UBAC2: variants seen among roughly 807,000 people sequenced by gnomAD.
The protein encoded by UBAC2 is UBA domain containing 2.
Under a neutral mutation model 44.0 loss-of-function variants are expected in UBAC2, and 26 were observed. The ratio of observed to expected loss-of-function variants is 0.59; its 90% CI spans 0.43 to 0.82. The LOEUF (loss-of-function observed/expected upper bound fraction) is 0.82. Among genes scored for constraint, UBAC2 ranks in the 40% least tolerant of loss-of-function variants. The pLI, the probability that UBAC2 is intolerant of heterozygous loss-of-function variation, is 0.00. For synonymous variants in UBAC2, 155 were observed against 154.3 expected (o/e 1.00, Z -0.04); for missense variants, 329 against 419.4 (o/e 0.78, Z 1.88).
At chr13:99,365,879 C>A (rs983237390) in intron 7 of UBAC2, among the ~76,000 whole-genome samples, 6 of 151,944 alleles carry the variant, frequency 3.9e-5, no homozygotes, top group Non-Finnish European at 8.8e-5. Flanking sequence ...TCTTGTAATT[C>A]TATTAATTTT....
intron 8 of UBAC2, among the ~76,000 whole-genome samples, chr13:99,368,686 A>T (rs369562259): frequency 1.2e-5 from 1 of 82,504 alleles, no homozygotes; most frequent in Non-Finnish European, 2.7e-5. Flanking sequence ...AACTCATGAG[A>T]GAGTGTGTGT....
intron 6 of UBAC2, among the ~76,000 whole-genome samples, chr13:99,329,945 C>T (rs1375134272): frequency 6.6e-6 from 1 of 152,200 alleles, no homozygotes; most frequent in Admixed American, 6.5e-5. Context: ...GCTACTACAA[C>T]AATCTTAACA....
intron 4 of UBAC2, among the ~76,000 whole-genome samples, chr13:99,290,968 T>C (rs983114172): frequency 1.3e-5 from 2 of 151,994 alleles, no homozygotes; most frequent in Non-Finnish European, 2.9e-5. Flanking sequence ...CTGGAGGACA[T>C]AGGACAGGGA....
intron 4 of UBAC2, among the ~76,000 whole-genome samples, chr13:99,252,449 T>C (rs796175632): frequency 3.9e-5 from 6 of 152,348 alleles, no homozygotes; most frequent in African/African-American, 1.4e-4. Context: ...ACCACAGACC[T>C]GTTCATTTCT....
At chr13:99,232,085 G>A (rs774575965) in intron 1 of UBAC2, among the ~76,000 whole-genome samples, 84 of 152,096 alleles carry the variant, frequency 5.5e-4, no homozygotes, top group Non-Finnish European at 1.0e-3. Context: ...GTTAATGTGT[G>A]TTACTTGTTT....
intron 7 of UBAC2, among the ~76,000 whole-genome samples, chr13:99,344,820 G>T (rs1295605995): frequency 2.0e-5 from 3 of 152,212 alleles, no homozygotes; most frequent in Non-Finnish European, 4.4e-5. Flanking sequence ...TGCTTGGGAA[G>T]CTCTCTGACC....
At chr13:99,236,101 C>G (rs543779190) in intron 1 of UBAC2, among the ~76,000 whole-genome samples, 1 of 152,306 alleles carries the variant, frequency 6.6e-6, no homozygotes, top group South Asian at 2.1e-4. Flanking sequence ...TATGAAACTA[C>G]TAGCAGAAAA....
intron 4 of UBAC2, among the ~76,000 whole-genome samples, chr13:99,270,856 G>T (rs1473475820): frequency 6.6e-6 from 1 of 152,222 alleles, no homozygotes; most frequent in Non-Finnish European, 1.5e-5. Flanking sequence ...GAAGAGAATA[G>T]CTTGACACTT....
intron 8 of UBAC2, among the ~76,000 whole-genome samples, chr13:99,373,437 CAT>C (rs2045436163): frequency 6.6e-6 from 1 of 152,184 alleles, no homozygotes. Context: ...CTCTTCGATT[CAT>C]GTCTTTCTTT....
chr13:99,363,847 C>G (rs1463252607), intron 7 of UBAC2, among the ~76,000 whole-genome samples: 1 of 152,212 alleles, frequency 6.6e-6, no homozygotes, highest in African/African-American at 2.4e-5. Context: ...TACATGTTAC[C>G]AGGCTCAATT....
At chr13:99,336,625 C>T (rs908631634) in intron 6 of UBAC2, among the ~76,000 whole-genome samples, 5 of 152,082 alleles carry the variant, frequency 3.3e-5, no homozygotes, top group Non-Finnish European at 5.9e-5. Context: ...TATTTCTAGG[C>T]TCTTGTTCTC....
intron 7 of UBAC2, among the ~76,000 whole-genome samples, chr13:99,342,690 T>C (rs993422227): frequency 6.6e-6 from 1 of 152,140 alleles, no homozygotes; most frequent in Non-Finnish European, 1.5e-5. Context: ...ATGCCCGTGG[T>C]GGGCACGACC....
intron 7 of UBAC2, among the ~76,000 whole-genome samples, chr13:99,358,660 A>G (rs2045222626): frequency 6.6e-6 from 1 of 152,140 alleles, no homozygotes; most frequent in Non-Finnish European, 1.5e-5. Context: ...GTATCTTAGG[A>G]ACTAACTCTG....
In UBAC2 at chr13:99,317,322, T is replaced by C. The variant is rs981015568; in HGVS notation, c.514-700T>C. On this transcript the variant is annotated intron_variant, in intron 5 of 8. Transcript: ENST00000403766. ...AACAATAACCCACAAATCATTTCTT[T>C]GTTGCAGGAACACTTTCAGAGTCCT... Among the ~76,000 whole-genome samples the C allele has an allele frequency of 2.6e-5, 4 of 152,330 alleles. No homozygotes were observed. In the East Asian group the frequency reaches 7.7e-4, roughly 29 times the overall value.
chr13:99,338,878 T>C (rs991157443), intron 6 of UBAC2, among the ~76,000 whole-genome samples: 3 of 152,212 alleles, frequency 2.0e-5, no homozygotes, highest in East Asian at 3.8e-4. Flanking sequence ...ATAACTAAAC[T>C]CTATTTCCCT....
At position 99,307,062 on chromosome 13, in the gene UBAC2, T is replaced by A. The variant is rs925875718; in HGVS notation, c.390-7035T>A. The stretch of plus-strand genomic sequence containing the variant: ...TAGTTTTGCTTGATACTGTCTTTTG[T>A]CATTGTGAGTTTATACAGTAGTACA... On this transcript the variant is annotated intron_variant, in intron 4 of 8. Coordinates refer to ENST00000403766, the MANE Select transcript of UBAC2 (RefSeq NM_001144072.2). Among the ~76,000 whole-genome samples the A allele has an allele frequency of 4.8e-4, 73 of 152,324 alleles. 1 individual carries two copies. The highest frequency in any genetic ancestry group is 1.6e-3 in the African/African-American group (67 of 41,570).
chr13:99,384,020 C>T (rs1345891927), intron 8 of UBAC2, among the ~76,000 whole-genome samples: 2 of 152,226 alleles, frequency 1.3e-5, no homozygotes, highest in African/African-American at 4.8e-5. Context: ...GAACAGCAGG[C>T]TTTCTGGAGC....
intron 4 of UBAC2, among the ~76,000 whole-genome samples, chr13:99,246,988 T>C (rs2043391588): frequency 6.6e-6 from 1 of 152,178 alleles, no homozygotes; most frequent in Non-Finnish European, 1.5e-5. Context: ...TAAATATATC[T>C]CTTAAAAACA....
Position 99,295,714 on chromosome 13 carries a change from C to G in UBAC2, c.390-18383C>G, listed in dbSNP as rs1339182200. The G allele has an allele frequency of 3.1e-6, 5 of 1,614,042 alleles. No individual in the cohort carries two copies. On this transcript the variant is annotated intron_variant, in intron 4 of 8. Transcript: ENST00000403766. This position sits in a 1 kb window ranked among gnomAD's most constrained non-coding sequence, Gnocchi z 4.1. ...TGCACACGCCTTTTGCATGTTCAAT[C>G]CTTTTTATCTTGTTGTAGCGTAGAG...
Sources: gnomAD v4.1 joint callset for allele counts (sites outside exome capture counted in the v4.1 genomes callset) on GRCh38, gnomAD v4.1.1 for gene constraint, Gnocchi (gnomAD v3.1) non-coding constraint, MANE v1.5 for transcripts, NCBI Gene and HGNC (gene_info 2026-07-23, HGNC 2026-07-21) for gene names.